Variants in PHF24 observed in about 807,000 individuals in gnomAD.
The protein encoded by PHF24 is Galpha inhibitory interacting protein.
PHF24 carries 25 observed loss-of-function variants against 42.6 expected under a neutral mutation model. The observed-to-expected ratio is 0.59, with a 90% CI of 0.43 to 0.82. The LOEUF is 0.82. Among genes scored for constraint, PHF24 ranks in the 40% least tolerant of loss-of-function variants. The pLI is 0.00. For synonymous variants in PHF24, 185 were observed against 204.8 expected, an observed-to-expected ratio of 0.90 and a Z score of 0.83; for missense variants, 470 against 538.1, an observed-to-expected ratio of 0.87 and a Z score of 1.25.
chr9:34,724,741 T>C, the PHF24 span: 2 of 1,551,746 alleles, frequency 1.3e-6, no homozygotes, highest in Non-Finnish European at 1.7e-6. Flanking sequence ...TTATACACTG[T>C]TCTTCAAATG....
chr9:34,740,605 G>A, the PHF24 span, among the ~76,000 whole-genome samples: 3 of 152,168 alleles, frequency 2.0e-5, no homozygotes, highest in South Asian at 2.1e-4. Context: ...CCCGGTTCCC[G>A]CTGGCGCCTC....
At chr9:34,729,440 A>C in the PHF24 span, 7 of 1,542,994 alleles carry the variant, frequency 4.5e-6, no homozygotes, top group Non-Finnish European at 6.1e-6. Context: ...TCTAAACTTC[A>C]TTAGCATGAG....
At chr9:34,878,046 T>G in the PHF24 span, among the ~76,000 whole-genome samples, 1 of 152,136 alleles carries the variant, frequency 6.6e-6, no homozygotes, top group African/African-American at 2.4e-5. Flanking sequence ...CCAATGTAAA[T>G]GACAGGCTTT....
chr9:34,680,715 A>AT, the PHF24 span, among the ~76,000 whole-genome samples: 4,493 of 109,706 alleles, frequency 0.041, 225 homozygotes, highest in African/African-American at 0.12. Context: ...AATAAAAAAA[A>AT]AAATAAAATA....
intron 3 of PHF24, among the ~76,000 whole-genome samples, chr9:34,972,785 G>A (rs561744404): frequency 4.1e-4 from 62 of 152,106 alleles, no homozygotes; most frequent in East Asian, 1.4e-3. Context: ...GTGGTGGCAC[G>A]CGCCTGTAGT....
the PHF24 span, among the ~76,000 whole-genome samples, chr9:34,695,152 C>T: frequency 6.6e-6 from 1 of 152,196 alleles, no homozygotes; most frequent in Non-Finnish European, 1.5e-5. Flanking sequence ...GTCCCACCCA[C>T]TCCCCACCTC....
At chr9:34,931,917 G>A in the PHF24 span, among the ~76,000 whole-genome samples, 1 of 152,218 alleles carries the variant, frequency 6.6e-6, no homozygotes, top group Non-Finnish European at 1.5e-5. Flanking sequence ...TGTAGAATGT[G>A]AAATTAACTT....
At chr9:34,805,991 C>T in the PHF24 span, among the ~76,000 whole-genome samples, 1 of 152,156 alleles carries the variant, frequency 6.6e-6, no homozygotes, top group Non-Finnish European at 1.5e-5. Flanking sequence ...TTCTCATTGA[C>T]TGATCTTGGT....
chr9:34,729,221 C>T, the PHF24 span: 73 of 1,494,494 alleles, frequency 4.9e-5, no homozygotes, highest in Middle Eastern at 1.7e-4. Context: ...TAAGGGAGCA[C>T]GGTAAGAACT....
At chr9:34,870,591 A>ATTTTT in the PHF24 span, among the ~76,000 whole-genome samples, 1 of 40,608 alleles carries the variant, frequency 2.5e-5, no homozygotes, top group African/African-American at 6.8e-5. Flanking sequence ...TTTTTTTTTG[A>ATTTTT]GACAGGGTCT....
At chr9:34,728,736 A>G in the PHF24 span, 1 of 1,282,990 alleles carries the variant, frequency 7.8e-7, no homozygotes, top group East Asian at 2.5e-5. Context: ...ACTTACATAC[A>G]TTTTTCACTC....
At chr9:34,915,292 G>T in the PHF24 span, among the ~76,000 whole-genome samples, 2 of 151,914 alleles carry the variant, frequency 1.3e-5, no homozygotes, top group Non-Finnish European at 2.9e-5. Flanking sequence ...TAACATGTGC[G>T]TCTGCTTTTC....
the PHF24 span, among the ~76,000 whole-genome samples, chr9:34,686,796 G>A: frequency 6.6e-6 from 1 of 152,134 alleles, no homozygotes; most frequent in Admixed American, 6.5e-5. Context: ...GGGAAGCTAG[G>A]AGTCCACACC....
chr9:34,705,429 GCACATGCCACTA>G, the PHF24 span, among the ~76,000 whole-genome samples: 1 of 152,086 alleles, frequency 6.6e-6, no homozygotes, highest in Non-Finnish European at 1.5e-5. Context: ...GGGACCATAG[GCACATGCCACTA>G]CACCAGCTAC....
At chr9:34,768,320 G>A in the PHF24 span, among the ~76,000 whole-genome samples, 1 of 152,122 alleles carries the variant, frequency 6.6e-6, no homozygotes, top group Non-Finnish European at 1.5e-5. Context: ...CTCAAATATG[G>A]GCCTCAGCAA....
the PHF24 span, among the ~76,000 whole-genome samples, chr9:34,942,932 T>C: frequency 2.0e-5 from 3 of 152,090 alleles, no homozygotes; most frequent in Non-Finnish European, 4.4e-5. Context: ...CAAACCAACA[T>C]GGTACATGTA....
At chr9:34,911,876 T>A in the PHF24 span, among the ~76,000 whole-genome samples, 1 of 152,146 alleles carries the variant, frequency 6.6e-6, no homozygotes, top group African/African-American at 2.4e-5. Context: ...TGAAGAACAA[T>A]CCAAATGGAG....
chr9:34,776,771 A>G, the PHF24 span, among the ~76,000 whole-genome samples: 1 of 151,996 alleles, frequency 6.6e-6, no homozygotes, highest in Non-Finnish European at 1.5e-5. Context: ...TTGTTTTTTC[A>G]TGTTTCCTGT....
the PHF24 span, among the ~76,000 whole-genome samples, chr9:34,705,893 G>T: frequency 6.6e-6 from 1 of 152,014 alleles, no homozygotes. Flanking sequence ...GTGAGACCTG[G>T]TCTCCATTTT....
Sources: gnomAD v4.1 joint callset for allele counts (sites outside exome capture counted in the v4.1 genomes callset) on GRCh38, gnomAD v4.1.1 for gene constraint, MANE v1.5 for transcripts, NCBI Gene and HGNC (gene_info 2026-07-23, HGNC 2026-07-21) for gene names.